The following ATF7IP2 variants were observed in gnomAD, a reference collection of about 807,000 sequenced individuals.
ATF7IP2 encodes the protein activating transcription factor 7 interacting protein 2.
A neutral mutation model predicts 64.2 loss-of-function variants in ATF7IP2; 42 were observed. The observed-to-expected ratio is 0.65, with a 90% CI of 0.51 to 0.85. The LOEUF (loss-of-function observed/expected upper bound fraction) is 0.85. Ranked by LOEUF, ATF7IP2 falls within the 40% of genes least tolerant of loss-of-function variation. The pLI, the probability that ATF7IP2 is intolerant of heterozygous loss-of-function variation, is 0.00. For synonymous variants in ATF7IP2, 308 were observed against 272.8 expected (o/e 1.13, Z -1.27); for missense variants, 933 against 784.2 (o/e 1.19, Z -2.27).
At chr16:10,441,299 G>A (rs75325960) in intron 8 of ATF7IP2, among the ~76,000 whole-genome samples, 5,221 of 152,212 alleles carry the variant, frequency 0.034, 128 homozygotes, top group South Asian at 0.069. Flanking sequence ...TGGTAGTTCT[G>A]GTTCTATAGA....
intron 6 of ATF7IP2, 96 bp from the exon 7 acceptor site, chr16:10,438,005 G>A (rs990691650): frequency 4.3e-6 from 4 of 934,900 alleles, no homozygotes; most frequent in Admixed American, 3.4e-5. Context: ...ATTGGTTACA[G>A]TAAATCTGGA....
Position 10,457,386 on chromosome 16 carries a change from G to C in ATF7IP2, c.1209G>C (p.Glu403Asp), listed in dbSNP as rs1247870837. Residue 403 changes from glutamate to aspartate, a missense_variant, in exon 9 of 14, where the codon GAG becomes GAC. Glu to Asp is a conservative substitution (Grantham distance 45, BLOSUM62 2). Coordinates refer to ENST00000562102, the MANE Select transcript of ATF7IP2 (RefSeq NM_001393719.1). ...CTATTTAATAGGTTGCAAATTCAGA[G>C]GCTATGATTTTGGATAAGAATCTTG... ...SNGASKVANSEAMILDKNLES... is the reference protein window; with the variant it reads ...SNGASKVANSDAMILDKNLES... 19 of 1,602,184 alleles carry C rather than the reference G, an allele frequency of 1.2e-5. No individual in the cohort carries two copies. The highest frequency in any genetic ancestry group is 1.6e-5 in the Non-Finnish European group (19 of 1,176,854).
chr16:10,392,096 C>T (rs958381512), intron 1 of ATF7IP2, among the ~76,000 whole-genome samples: 2 of 148,924 alleles, frequency 1.3e-5, no homozygotes, highest in Non-Finnish European at 1.5e-5. Flanking sequence ...CTCTTTTCCC[C>T]AGGCTGGAGT....
At chr16:10,395,416 A>T (rs1352500508) in intron 1 of ATF7IP2, among the ~76,000 whole-genome samples, 1 of 152,174 alleles carries the variant, frequency 6.6e-6, no homozygotes, top group East Asian at 1.9e-4. Flanking sequence ...ATAGAAGAGG[A>T]CAGAACATTT....
intron 1 of ATF7IP2, among the ~76,000 whole-genome samples, chr16:10,410,016 C>T (rs993572689): frequency 6.6e-6 from 1 of 152,126 alleles, no homozygotes; most frequent in African/African-American, 2.4e-5. Context: ...GTGATGCCTC[C>T]AGATATGTTC....
rs1020544368 is a variant in ATF7IP2 at position 10,483,346 on chromosome 16, G to C, written c.*1097G>C. The C allele has an allele frequency of 6.6e-6, 1 of 152,080 alleles. No individual in the cohort carries two copies. The highest frequency in any genetic ancestry group is 2.4e-5 in the African/African-American group (1 of 41,396). The allele number at this position is 152,080 out of a possible 1,614,324, so 9.4% of individuals were successfully genotyped here. A position where few individuals can be genotyped will look rare whatever the true frequency, so the allele number is the denominator to read the frequency against. On this transcript the variant is annotated 3_prime_UTR_variant, in exon 14 of 14. Coordinates refer to ENST00000562102, the MANE Select transcript of ATF7IP2 (RefSeq NM_001393719.1). Reference sequence around the variant, plus strand: ...TCCTGGCCACCATCACAATACTAAGGGGCTCAGATGTGTCTTGTGCCCACC... The same window carrying C: ...TCCTGGCCACCATCACAATACTAAGCGGCTCAGATGTGTCTTGTGCCCACC...
At chr16:10,481,684 G>A (rs575228911) in intron 13 of ATF7IP2, 152 bp from the exon 14 acceptor site, 4 of 631,920 alleles carry the variant, frequency 6.3e-6, no homozygotes, top group East Asian at 3.1e-5. Context: ...ATCCAAAAGA[G>A]GATTCTGCTT....
In ATF7IP2 at chr16:10,482,584, G is replaced by C. The variant is rs1328793781; in HGVS notation, c.*335G>C. 5.5e-6 allele frequency: 1 copy of C among 183,264 alleles called. No individual in the cohort carries two copies. Among genetic ancestry groups the C allele is most frequent in the African/African-American group, 2.4e-5 (1 of 42,012 alleles). The allele number at this position is 183,264 out of a possible 1,614,324, so 11.4% of individuals were successfully genotyped here. A position where few individuals can be genotyped will look rare whatever the true frequency, so the allele number is the denominator to read the frequency against. On this transcript the variant is annotated 3_prime_UTR_variant, in exon 14 of 14. Coordinates refer to ENST00000562102, the MANE Select transcript of ATF7IP2 (RefSeq NM_001393719.1). ...CCACTGTTTCCTCCGTTAACAATCA[G>C]CTTTTAGTAACCTGCTGTGGTCAGC... is the stretch of plus-strand genomic sequence containing the variant.
At chr16:10,474,795 G>T (rs932767919) in intron 12 of ATF7IP2, among the ~76,000 whole-genome samples, 9 of 152,174 alleles carry the variant, frequency 5.9e-5, no homozygotes, top group African/African-American at 2.2e-4. Context: ...GCAGGTGAAA[G>T]AACAAAGAAT....
chr16:10,447,471 C>G (rs1008594513), intron 8 of ATF7IP2: 3 of 152,114 alleles, frequency 2.0e-5, no homozygotes, highest in African/African-American at 7.2e-5. Context: ...GCAAAGAAAA[C>G]GAACACTCAA....
chr16:10,464,440 T>A (rs769837304), intron 9 of ATF7IP2, among the ~76,000 whole-genome samples: 1 of 152,174 alleles, frequency 6.6e-6, no homozygotes, highest in Non-Finnish European at 1.5e-5. Flanking sequence ...GATTTAGAAG[T>A]TTAAGCATTT....
rs1353259126 is a variant in ATF7IP2, at chr16:10,482,594, AC to A, written c.*347del. On this transcript the variant is annotated 3_prime_UTR_variant, in exon 14 of 14. Coordinates refer to ENST00000562102, the MANE Select transcript of ATF7IP2 (RefSeq NM_001393719.1). Reference sequence around the variant, plus strand: ...CTCCGTTAACAATCAGCTTTTAGTAACCTGCTGTGGTCAGCATAGCTACAGG... The same window carrying A: ...CTCCGTTAACAATCAGCTTTTAGTAACTGCTGTGGTCAGCATAGCTACAGG... 2 of 179,284 alleles carry A rather than the reference AC, an allele frequency of 1.1e-5. No individual in the cohort carries two copies. The highest frequency in any genetic ancestry group is 4.8e-5 in the African/African-American group (2 of 41,884). 11.1% of individuals were successfully genotyped at this position (179,284 alleles called of 1,614,324 possible).
intron 1 of ATF7IP2, among the ~76,000 whole-genome samples, chr16:10,396,785 G>A (rs1445440521): frequency 6.6e-6 from 1 of 151,304 alleles, no homozygotes; most frequent in African/African-American, 2.4e-5. Flanking sequence ...CAGTAGCTGG[G>A]ACAAGAGGCA....
At chr16:10,434,251 A>G (rs73497841) in intron 6 of ATF7IP2, among the ~76,000 whole-genome samples, 2,893 of 152,270 alleles carry the variant, frequency 0.019, 81 homozygotes, top group African/African-American at 0.066. Context: ...CGTTTGATCA[A>G]TTGTTAGCTG....
intron 4 of ATF7IP2, 143 bp downstream of exon 4, chr16:10,429,159 A>G (rs761433207): frequency 6.6e-6 from 1 of 152,270 alleles, no homozygotes; most frequent in Non-Finnish European, 1.5e-5. Flanking sequence ...AATACATCAT[A>G]AAACCATGCT....
At chr16:10,462,145 C>A (rs2049394214) in intron 9 of ATF7IP2, among the ~76,000 whole-genome samples, 1 of 152,068 alleles carries the variant, frequency 6.6e-6, no homozygotes, top group Non-Finnish European at 1.5e-5. Flanking sequence ...ATTTTATAGA[C>A]AATGCTTGAT....
At position 10,457,366 on chromosome 16, in the gene ATF7IP2, T is replaced by G. The variant is rs2049207304; in HGVS notation, c.1195-6T>G. 3.1e-6 allele frequency: 5 copies of G among 1,597,098 alleles called. No individual in the cohort carries two copies. The highest frequency in any genetic ancestry group is 4.3e-6 in the Non-Finnish European group (5 of 1,174,808). On this transcript the variant is annotated splice_polypyrimidine_tract_variant and splice_region_variant and intron_variant, in intron 8 of 13. Coordinates refer to ENST00000562102, the MANE Select transcript of ATF7IP2 (RefSeq NM_001393719.1). The stretch of plus-strand genomic sequence containing the variant: ...TTCAACTGCTTTTTTCTCACCTATT[T>G]AATAGGTTGCAAATTCAGAGGCTAT...
intron 3 of ATF7IP2, among the ~76,000 whole-genome samples, chr16:10,424,499 T>C (rs1049060445): frequency 1.3e-5 from 2 of 152,206 alleles, no homozygotes; most frequent in African/African-American, 4.8e-5. Context: ...GAAATTATGC[T>C]TTATGAAAAT....
chr16:10,417,876 TG>T (rs2047910575), intron 2 of ATF7IP2, among the ~76,000 whole-genome samples: 2 of 152,332 alleles, frequency 1.3e-5, no homozygotes, highest in Middle Eastern at 3.4e-3. Flanking sequence ...AAAGTCAATT[TG>T]TTTTTTATGA....
Sources: allele counts gnomAD v4.1 joint callset (sites outside exome capture counted in the v4.1 genomes callset), GRCh38; gene constraint gnomAD v4.1.1; transcripts MANE v1.5; gene names NCBI Gene and HGNC (gene_info 2026-07-23, HGNC 2026-07-21).